The following PDIA5 variants were observed in gnomAD, a reference collection of about 807,000 sequenced individuals.
The protein encoded by PDIA5 is protein disulfide-isomerase A5.
PDIA5 carries 58 observed loss-of-function variants against 77.6 expected under a neutral mutation model. That is an observed-to-expected ratio of 0.75 (90% confidence interval 0.61 to 0.93). PDIA5 has a LOEUF of 0.93. Ranked by LOEUF, PDIA5 falls within the 40% of genes least tolerant of loss-of-function variation. The pLI, the probability that PDIA5 is intolerant of heterozygous loss-of-function variation, is 0.00. For missense variants in PDIA5, 630 were observed against 647.7 expected (o/e 0.97, Z 0.30); for synonymous variants, 250 against 252.1 (o/e 0.99, Z 0.08).
At chr3:123,141,506 G>T (rs905953445) in intron 11 of PDIA5, among the ~76,000 whole-genome samples, 1 of 152,292 alleles carries the variant, frequency 6.6e-6, no homozygotes, top group Non-Finnish European at 1.5e-5. Context: ...TAGACTCACC[G>T]CCACAGGAGA....
chr3:123,102,641 T>C (rs1040104831), intron 4 of PDIA5, 110 bp from the exon 5 acceptor site: 14 of 1,101,816 alleles, frequency 1.3e-5, no homozygotes, highest in African/African-American at 1.2e-4. Flanking sequence ...TAAAAAAAAA[T>C]CCTGAACTCC....
At chr3:123,096,921 C>T (rs1230964295) in intron 3 of PDIA5, among the ~76,000 whole-genome samples, 1 of 152,226 alleles carries the variant, frequency 6.6e-6, no homozygotes, top group Non-Finnish European at 1.5e-5. Flanking sequence ...GGAGCTGTGC[C>T]TGGTTTGCTA....
At chr3:123,102,633 A>G (rs1934631875) in intron 4 of PDIA5, 118 bp from the exon 5 acceptor site, 3 of 1,111,316 alleles carry the variant, frequency 2.7e-6, no homozygotes, top group Non-Finnish European at 2.7e-6. Flanking sequence ...ATTTCTTTTA[A>G]AAAAAAATCC....
At chr3:123,090,002 T>C (rs908315303) in intron 2 of PDIA5, among the ~76,000 whole-genome samples, 1 of 152,226 alleles carries the variant, frequency 6.6e-6, no homozygotes. Flanking sequence ...TTTTTGCTGC[T>C]TCTAAGGATG....
chr3:123,155,037 GA>G lies in PDIA5; in HGVS notation c.1343del (p.Lys448ArgfsTer65). ...ACTGCTGATGCCTTCAAAGATGACC[GA>G]AAGGTAAGGACAGCGCTCTTCATCT... ...TATADAFKDDRKIACAAVDCV... is the reference protein window; with the variant it reads ...TATADAFKDDXKIACAAVDCV... On this transcript the variant is annotated frameshift_variant, in exon 15 of 17. Transcript: ENST00000316218. LOFTEE classifies it high-confidence loss of function. The G allele has an allele frequency of 1.9e-6, 3 of 1,603,150 alleles. No individual in the cohort carries two copies. The highest frequency in any genetic ancestry group is 2.6e-6 in the Non-Finnish European group (3 of 1,170,028).
chr3:123,087,577 T>C (rs1934175524), intron 1 of PDIA5, among the ~76,000 whole-genome samples: 1 of 152,232 alleles, frequency 6.6e-6, no homozygotes, highest in South Asian at 2.1e-4. Flanking sequence ...CATAACATTC[T>C]ATTCTTATTT....
At chr3:123,105,405 C>T (rs956980697) in intron 5 of PDIA5, among the ~76,000 whole-genome samples, 2 of 152,120 alleles carry the variant, frequency 1.3e-5, no homozygotes, top group Non-Finnish European at 2.9e-5. Flanking sequence ...GTGTGGGTGT[C>T]GGGAAGACCC....
chr3:123,142,964 A>G (rs1460498171), intron 11 of PDIA5, among the ~76,000 whole-genome samples: 1 of 152,126 alleles, frequency 6.6e-6, no homozygotes, highest in Non-Finnish European at 1.5e-5. Flanking sequence ...GGAGTTGTCT[A>G]CTAATTATTT....
At chr3:123,130,847 C>T (rs930828014) in intron 11 of PDIA5, among the ~76,000 whole-genome samples, 5 of 152,170 alleles carry the variant, frequency 3.3e-5, no homozygotes, top group African/African-American at 4.8e-5. Flanking sequence ...TTTACTTGTC[C>T]CTTAGCTAGA....
At chr3:123,128,317 G>A (rs1461151756) in intron 10 of PDIA5, among the ~76,000 whole-genome samples, 1 of 152,120 alleles carries the variant, frequency 6.6e-6, no homozygotes, top group Non-Finnish European at 1.5e-5. Context: ...CTCCTGAACT[G>A]TTATTTTAGC....
chr3:123,076,479 A>T (rs540253272), intron 1 of PDIA5, among the ~76,000 whole-genome samples: 1 of 152,294 alleles, frequency 6.6e-6, no homozygotes, highest in Admixed American at 6.5e-5. Context: ...GATGTTTTCT[A>T]GTCAATGTAA....
intron 1 of PDIA5, among the ~76,000 whole-genome samples, chr3:123,084,311 C>T (rs1934080992): frequency 6.6e-6 from 1 of 152,158 alleles, no homozygotes; most frequent in South Asian, 2.1e-4. Context: ...GCTCCCGCCA[C>T]GTGTACTGCT....
chr3:123,162,021 G>T lies in PDIA5; in HGVS notation c.*61G>T. On this transcript the variant is annotated 3_prime_UTR_variant, in exon 17 of 17. Coordinates refer to ENST00000316218, the MANE Select transcript of PDIA5 (RefSeq NM_006810.4). ...GAATGATACCTGTTTTGTTGTTTCT[G>T]AATTTCCACATGTTCTGAAGACAAA... The T allele has an allele frequency of 9.9e-7, 1 of 1,007,638 alleles. No individual in the cohort carries two copies. Among genetic ancestry groups the T allele is most frequent in the South Asian group, 1.4e-5 (1 of 72,534 alleles). The allele number at this position is 1,007,638 out of a possible 1,614,324, so 62.4% of individuals were successfully genotyped here.
intron 1 of PDIA5, among the ~76,000 whole-genome samples, chr3:123,070,974 C>T (rs1220172434): frequency 6.6e-6 from 1 of 151,730 alleles, no homozygotes; most frequent in Non-Finnish European, 1.5e-5. Flanking sequence ...CAAATGTTTT[C>T]AGTTTAAAAA....
chr3:123,158,108 C>T (rs1306518983), intron 15 of PDIA5, among the ~76,000 whole-genome samples: 1 of 152,210 alleles, frequency 6.6e-6, no homozygotes, highest in Non-Finnish European at 1.5e-5. Context: ...CTCATTTGTC[C>T]TTGAACTCCC....
At chr3:123,101,539 T>C (rs1356272993) in intron 3 of PDIA5, among the ~76,000 whole-genome samples, 5 of 152,172 alleles carry the variant, frequency 3.3e-5, no homozygotes, top group African/African-American at 4.8e-5. Context: ...CTTTTGTCTT[T>C]TGTCAATACC....
chr3:123,132,775 C>T (rs959398882), intron 11 of PDIA5, among the ~76,000 whole-genome samples: 3 of 152,304 alleles, frequency 2.0e-5, no homozygotes, highest in Non-Finnish European at 4.4e-5. Context: ...CTGTCCCAGC[C>T]GTGACAGCAG....
At chr3:123,093,243 G>A (rs1446217957) in intron 3 of PDIA5, among the ~76,000 whole-genome samples, 1 of 149,450 alleles carries the variant, frequency 6.7e-6, no homozygotes, top group Non-Finnish European at 1.5e-5. Flanking sequence ...TAGCCAAGTG[G>A]TGTGTGCTGT....
At chr3:123,114,548 C>T (rs925969235) in intron 7 of PDIA5, among the ~76,000 whole-genome samples, 1 of 152,352 alleles carries the variant, frequency 6.6e-6, no homozygotes, top group African/African-American at 2.4e-5. Flanking sequence ...ATGCAGACCT[C>T]GGTCTCAGCC....
Sources: gnomAD v4.1 joint callset for allele counts (sites outside exome capture counted in the v4.1 genomes callset) on GRCh38, gnomAD v4.1.1 for gene constraint, MANE v1.5 for transcripts, NCBI Gene and HGNC (gene_info 2026-07-23, HGNC 2026-07-21) for gene names.